The following NDUFA10 variants were observed in gnomAD, a reference collection of about 807,000 sequenced individuals.
NDUFA10 encodes NADH dehydrogenase [ubiquinone] 1 alpha subcomplex subunit 10, mitochondrial.
A neutral mutation model predicts 47.8 loss-of-function variants in NDUFA10; 40 were observed. The observed-to-expected ratio is 0.84, with a 90% confidence interval of 0.65 to 1.09. The LOEUF (loss-of-function observed/expected upper bound fraction) is 1.09. NDUFA10 is among the 50% of genes least tolerant of loss of function. The pLI is 0.00. For missense variants in NDUFA10, 413 were observed against 451.1 expected, an observed-to-expected ratio of 0.92 and a Z score of 0.76; for synonymous variants, 183 against 172.2, an observed-to-expected ratio of 1.06 and a Z score of -0.49.
rs988666163 is a variant in NDUFA10, at chr2:239,945,411, G to A, written c.294+44663C>T. Among the ~76,000 whole-genome samples the A allele has an allele frequency of 6.6e-6, 1 of 152,190 alleles. No homozygotes were observed. Among genetic ancestry groups the A allele is most frequent in the Non-Finnish European group, 1.5e-5 (1 of 68,026 alleles). On this transcript the variant is annotated intron_variant, in intron 4 of 5. Coordinates refer to the NDUFA10 transcript ENST00000419408. This position sits in a 1 kb window ranked among gnomAD's most constrained non-coding sequence, Gnocchi z 4.6. ...TACCCAGACCAAGCTCCTCACCTCT[G>A]AGCGTCGCTCCAGCTCCTTTCAAAG...
At chr2:239,968,338 C>T (rs565172902) in intron 9 of NDUFA10, among the ~76,000 whole-genome samples, 2 of 152,352 alleles carry the variant, frequency 1.3e-5, no homozygotes, top group South Asian at 4.1e-4. Flanking sequence ...CGAGCACAGA[C>T]TTCAGCTTTG....
At chr2:239,968,296 G>A (rs4560144) in intron 9 of NDUFA10, among the ~76,000 whole-genome samples, 3,957 of 152,308 alleles carry the variant, frequency 0.026, 179 homozygotes, top group African/African-American at 0.091. Flanking sequence ...GCAAATGCAC[G>A]CAATGCGCAG....
In NDUFA10 at chr2:239,957,731, A is replaced by G. The variant is rs989813941; in HGVS notation, c.*3387T>C. On this transcript the variant is annotated 3_prime_UTR_variant, in exon 10 of 10. Transcript: ENST00000252711. ...GAACATTTATGGCTCTGAGAACAGC[A>G]CCACTCTTTTGGGGACAAGTCCATC... 1 of 152,154 alleles carries G rather than the reference A, an allele frequency of 6.6e-6. No homozygotes were observed. 9.4% of individuals were successfully genotyped at this position (152,154 alleles called of 1,614,324 possible). A position where few individuals can be genotyped will look rare whatever the true frequency, so the allele number is the denominator to read the frequency against.
Position 239,960,828 on chromosome 2 carries a change from G to C in NDUFA10, c.*290C>G, listed in dbSNP as rs1397088058. On this transcript the variant is annotated 3_prime_UTR_variant, in exon 10 of 10. Coordinates refer to ENST00000252711, the MANE Select transcript of NDUFA10 (RefSeq NM_004544.4). The stretch of plus-strand genomic sequence containing the variant: ...ACAGAGCGGCAGCGCTGAAACCACA[G>C]GGGCTGCCGAGAGCTGGCCTTTCAC... 7.5e-7 allele frequency: 1 copy of C among 1,328,890 alleles called. No individual in the cohort carries two copies. Among genetic ancestry groups the C allele is most frequent in the Non-Finnish European group, 9.7e-7 (1 of 1,030,684 alleles). The allele number at this position is 1,328,890 out of a possible 1,614,324, so 82.3% of individuals were successfully genotyped here. A position where few individuals can be genotyped will look rare whatever the true frequency, so the allele number is the denominator to read the frequency against.
intron 8 of NDUFA10, among the ~76,000 whole-genome samples, chr2:240,002,473 C>T (rs1696766679): frequency 6.6e-6 from 1 of 152,068 alleles, no homozygotes; most frequent in Admixed American, 6.6e-5. Context: ...TAGATTAACA[C>T]CATTTTATAC....
intron 4 of NDUFA10, among the ~76,000 whole-genome samples, chr2:239,933,705 T>C (rs567600470): frequency 1.8e-4 from 28 of 151,982 alleles, no homozygotes; most frequent in Non-Finnish European, 3.7e-4. Flanking sequence ...AGGCATCAGG[T>C]GCTCCAAGGA....
chr2:239,940,458 A>T (rs946539691), intron 4 of NDUFA10, among the ~76,000 whole-genome samples: 1 of 152,258 alleles, frequency 6.6e-6, no homozygotes, highest in African/African-American at 2.4e-5. Flanking sequence ...TTCCAGAAGG[A>T]GGCAAGGATT....
intron 8 of NDUFA10, among the ~76,000 whole-genome samples, chr2:239,996,837 C>T (rs1016002460): frequency 6.7e-6 from 1 of 150,310 alleles, no homozygotes; most frequent in Non-Finnish European, 1.5e-5. Context: ...CATCAGCTAT[C>T]GTCAGTGTTA....
chr2:239,976,910 G>A (rs1215649528), intron 9 of NDUFA10, among the ~76,000 whole-genome samples: 1 of 152,148 alleles, frequency 6.6e-6, no homozygotes, highest in African/African-American at 2.4e-5. Flanking sequence ...CACTGATTTA[G>A]ACAACTGCAA....
At chr2:239,899,098 T>C (rs1259358861) in intron 4 of NDUFA10, among the ~76,000 whole-genome samples, 1 of 25,464 alleles carries the variant, frequency 3.9e-5, no homozygotes, top group African/African-American at 1.4e-4. Context: ...AGGGGTGTGG[T>C]GGAGGGGTGT....
chr2:239,909,130 A>G (rs13400654), intron 4 of NDUFA10, among the ~76,000 whole-genome samples: 25,190 of 152,072 alleles, frequency 0.17, 2,082 homozygotes, highest in South Asian at 0.2. Context: ...CTTGGCTTAC[A>G]GGCTGCTTCT....
At chr2:239,942,573 G>A (rs1694376479) in intron 4 of NDUFA10, among the ~76,000 whole-genome samples, 3 of 152,110 alleles carry the variant, frequency 2.0e-5, no homozygotes, top group Admixed American at 2.0e-4. Flanking sequence ...TTATTTTATT[G>A]AATTCATGTT....
At chr2:239,948,620 A>T (rs1694497183) in intron 4 of NDUFA10, among the ~76,000 whole-genome samples, 1 of 152,170 alleles carries the variant, frequency 6.6e-6, no homozygotes, top group Admixed American at 6.5e-5. Flanking sequence ...CGTCGGTGGG[A>T]CCCGGATCCT....
At chr2:239,965,210 C>T (rs1695009839) in intron 9 of NDUFA10, among the ~76,000 whole-genome samples, 1 of 152,076 alleles carries the variant, frequency 6.6e-6, no homozygotes, top group African/African-American at 2.4e-5. Flanking sequence ...TGTGTCTGGA[C>T]TTCTCAGGCA....
At chr2:239,967,524 A>G (rs1462183981) in intron 9 of NDUFA10, among the ~76,000 whole-genome samples, 1 of 152,178 alleles carries the variant, frequency 6.6e-6, no homozygotes, top group Non-Finnish European at 1.5e-5. Context: ...CTGGCCTAAG[A>G]AAGTACAGGA....
At chr2:239,931,104 G>A (rs1694166167) in intron 4 of NDUFA10, among the ~76,000 whole-genome samples, 1 of 152,204 alleles carries the variant, frequency 6.6e-6, no homozygotes, top group South Asian at 2.1e-4. Context: ...GAGTGCTTCT[G>A]GTCCCATTGG....
At chr2:239,907,909 A>T (rs1016367934) in intron 4 of NDUFA10, among the ~76,000 whole-genome samples, 8 of 152,196 alleles carry the variant, frequency 5.3e-5, no homozygotes, top group Non-Finnish European at 7.3e-5. Flanking sequence ...ATATACCCAA[A>T]GGAATATAAA....
At chr2:240,014,443 C>T in intron 5 of NDUFA10, 1 of 445,534 alleles carries the variant, frequency 2.2e-6, no homozygotes, top group South Asian at 2.1e-5. Flanking sequence ...ATGGAGGACG[C>T]TCTGCCAGGA....
chr2:240,024,433 A>C (rs1697769279), intron 1 of NDUFA10, among the ~76,000 whole-genome samples: 1 of 152,218 alleles, frequency 6.6e-6, no homozygotes. Context: ...TGTTAATGAG[A>C]TCTGTGGTTG....
Sources: gnomAD v4.1 joint callset for allele counts (sites outside exome capture counted in the v4.1 genomes callset) on GRCh38, gnomAD v4.1.1 for gene constraint, Gnocchi (gnomAD v3.1) non-coding constraint, MANE v1.5 for transcripts, NCBI Gene and HGNC (gene_info 2026-07-23, HGNC 2026-07-21) for gene names.